Variants in EPS15L1 observed in about 807,000 individuals in gnomAD.
EPS15L1 encodes the protein epidermal growth factor receptor pathway substrate 15 like 1.
In EPS15L1, 43 loss-of-function variants were observed where a neutral mutation model predicts 117.1. The ratio of observed to expected loss-of-function variants is 0.37; its 90% CI spans 0.29 to 0.47. The LOEUF (loss-of-function observed/expected upper bound fraction) is 0.47. Ranked by LOEUF, EPS15L1 falls within the 20% of genes least tolerant of loss-of-function variation. EPS15L1 has a pLI of 0.99. For synonymous variants in EPS15L1, 459 were observed against 470.5 expected, an observed-to-expected ratio of 0.98 and a Z score of 0.32; for missense variants, 981 against 1,164.0, an observed-to-expected ratio of 0.84 and a Z score of 2.29.
intron 16 of EPS15L1, chr19:16,401,034 G>C: frequency 1.0e-6 from 1 of 985,432 alleles, no homozygotes; most frequent in Non-Finnish European, 1.2e-6. Flanking sequence ...AACAGCCAGG[G>C]AGCAAAGCGA....
intron 21 of EPS15L1, among the ~76,000 whole-genome samples, chr19:16,380,551 G>A (rs1275748514): frequency 4.6e-5 from 7 of 151,878 alleles, no homozygotes; most frequent in South Asian, 2.1e-4. Context: ...CAGTCACACC[G>A]ACGTGGCCAT....
chr19:16,372,215 G>A (rs573290091), intron 22 of EPS15L1, among the ~76,000 whole-genome samples: 7 of 152,266 alleles, frequency 4.6e-5, no homozygotes, highest in Admixed American at 6.5e-5. Context: ...CGCTGTGACC[G>A]GAACTCTCCC....
chr19:16,402,539 A>G, intron 15 of EPS15L1, 54 bp from the exon 16 acceptor site: 3 of 1,510,574 alleles, frequency 2.0e-6, no homozygotes, highest in Non-Finnish European at 2.7e-6. Flanking sequence ...ACATGTCAGA[A>G]AAGACGCTTT....
chr19:16,414,911 G>C (rs1382096638), intron 12 of EPS15L1, among the ~76,000 whole-genome samples: 1 of 151,918 alleles, frequency 6.6e-6, no homozygotes, highest in Admixed American at 6.6e-5. Flanking sequence ...CTCAATATAT[G>C]GCCCAGGCTG....
At position 16,365,185 on chromosome 19, in the gene EPS15L1, C is replaced by T. The variant is rs754931823; in HGVS notation, c.2381-3201G>A. ...CCAAGCCCTGGGGCTGGGAGTGGCCCTGGAAGACGGTGTGGGGCATGGCGG... is the reference window on the plus strand; with the variant it reads ...CCAAGCCCTGGGGCTGGGAGTGGCCTTGGAAGACGGTGTGGGGCATGGCGG... On this transcript the variant is annotated intron_variant, in intron 22 of 23. Transcript: ENST00000455140. This position sits in a 1 kb window ranked among gnomAD's most constrained non-coding sequence, Gnocchi z 4.9. Among the ~76,000 whole-genome samples, 1 of 152,232 alleles carries T rather than the reference C, an allele frequency of 6.6e-6. No homozygotes were observed. Among genetic ancestry groups the T allele is most frequent in the Non-Finnish European group, 1.5e-5 (1 of 68,030 alleles).
At chr19:16,393,884 C>T in intron 18 of EPS15L1, 67 bp downstream of exon 18, 3 of 1,488,828 alleles carry the variant, frequency 2.0e-6, no homozygotes, top group Non-Finnish European at 2.8e-6. Flanking sequence ...CAAGTCCCAC[C>T]ACATGCGACT....
chr19:16,433,516 A>G (rs1388395086), intron 7 of EPS15L1, among the ~76,000 whole-genome samples: 1 of 152,164 alleles, frequency 6.6e-6, no homozygotes, highest in African/African-American at 2.4e-5. Context: ...CTTTATCAGA[A>G]GAAAAAGAGT....
intron 4 of EPS15L1, among the ~76,000 whole-genome samples, chr19:16,438,903 G>A (rs181614172): frequency 2.3e-4 from 35 of 151,896 alleles, no homozygotes; most frequent in Non-Finnish European, 4.7e-4. Flanking sequence ...CGATCCCCTC[G>A]GCCTCGTTGA....
intron 22 of EPS15L1, among the ~76,000 whole-genome samples, chr19:16,369,200 C>A (rs932299476): frequency 1.3e-5 from 2 of 152,120 alleles, no homozygotes; most frequent in Admixed American, 6.5e-5. Context: ...GGGAGTCCTG[C>A]AGGCACCAGC....
chr19:16,392,031 G>T (rs572880010), intron 19 of EPS15L1, among the ~76,000 whole-genome samples: 1 of 152,296 alleles, frequency 6.6e-6, no homozygotes, highest in Non-Finnish European at 1.5e-5. Context: ...AGAACTATGG[G>T]TGACATCCTC....
rs369873713 is a variant in EPS15L1, at chr19:16,403,914, G to A, written c.1445C>T (p.Thr482Met). ...GTCAGATTCCTGAGATTGGATTTGC[G>A]TTTTCAGTGATGAGATCTGAAATGA... The part of the protein sequence containing the change: ...DETQMISSLK[T>M]QIQSQESDLK... Residue 482 changes from threonine (T) to methionine (M), a missense_variant, in exon 15 of 24, where the codon ACG becomes ATG. Thr to Met is a moderately conservative substitution (Grantham distance 81). This residue lies in a region of EPS15L1 where 819 missense variants were observed against 949.0 expected (regional missense o/e 0.86). Coordinates refer to ENST00000455140, the MANE Select transcript of EPS15L1 (RefSeq NM_001258374.3). 91 of 1,613,740 alleles carry A rather than the reference G, an allele frequency of 5.6e-5. No individual in the cohort carries two copies. The South Asian group carries it at 6.7e-4, about 12-fold the overall frequency.
intron 6 of EPS15L1, chr19:16,435,176 T>C (rs2092967259): frequency 6.6e-6 from 1 of 152,206 alleles, no homozygotes; most frequent in Non-Finnish European, 1.5e-5. Context: ...GGTCTTGAAC[T>C]CCTGGCCTCA....
intron 22 of EPS15L1, among the ~76,000 whole-genome samples, chr19:16,374,480 G>A (rs911754800): frequency 1.1e-4 from 16 of 152,252 alleles, no homozygotes; most frequent in Admixed American, 6.5e-4. Context: ...CCAAACTCCC[G>A]TTATCAAACG....
At chr19:16,470,642 A>G (rs909887411) in intron 1 of EPS15L1, among the ~76,000 whole-genome samples, 44 of 152,082 alleles carry the variant, frequency 2.9e-4, no homozygotes, top group Admixed American at 2.8e-3. Flanking sequence ...ACCGGGTTTT[A>G]GCACTGTTAA....
At chr19:16,402,812 T>C (rs528266962) in intron 15 of EPS15L1, among the ~76,000 whole-genome samples, 1 of 152,284 alleles carries the variant, frequency 6.6e-6, no homozygotes, top group African/African-American at 2.4e-5. Context: ...CTTGAACTCC[T>C]GGCCTCAAGT....
intron 1 of EPS15L1, among the ~76,000 whole-genome samples, chr19:16,455,850 A>G (rs1234229175): frequency 6.6e-6 from 1 of 152,034 alleles, no homozygotes; most frequent in Non-Finnish European, 1.5e-5. Context: ...CTCCCCAGAA[A>G]CATCCCTCCA....
rs530163948 is a variant in EPS15L1, at chr19:16,381,615, G to A, written c.2247+3514C>T. On this transcript the variant is annotated intron_variant, in intron 21 of 23. Coordinates refer to ENST00000455140, the MANE Select transcript of EPS15L1 (RefSeq NM_001258374.3). This position sits in a 1 kb window ranked among gnomAD's most constrained non-coding sequence, Gnocchi z 4.2. ...GACCACACGACAATGATCACACCAAGTACGAAGCTGCGATTGGAATCTGGG... is the reference window on the plus strand; with the variant it reads ...GACCACACGACAATGATCACACCAAATACGAAGCTGCGATTGGAATCTGGG... 2.5e-4 allele frequency among the ~76,000 whole-genome samples: 38 copies of A among 152,346 alleles called. No homozygotes were observed. The highest frequency in any genetic ancestry group is 2.2e-3 in the Admixed American group (34 of 15,306).
chr19:16,395,271 G>C (rs1217613652), intron 17 of EPS15L1, 73 bp downstream of exon 17: 1 of 1,389,974 alleles, frequency 7.2e-7, no homozygotes, highest in East Asian at 2.4e-5. Flanking sequence ...TACTTTTCTA[G>C]TTGAAGAACC....
chr19:16,445,980 G>A (rs2093079626), intron 1 of EPS15L1, among the ~76,000 whole-genome samples: 1 of 152,200 alleles, frequency 6.6e-6, no homozygotes, highest in Admixed American at 6.5e-5. Context: ...TTTCAGCTCG[G>A]TCTTTCAGTT....
Sources: allele counts gnomAD v4.1 joint callset (sites outside exome capture counted in the v4.1 genomes callset), GRCh38; gene constraint gnomAD v4.1.1; regional missense constraint gnomAD v4.1.1; non-coding constraint Gnocchi (gnomAD v3.1); transcripts MANE v1.5; gene names NCBI Gene and HGNC (gene_info 2026-07-23, HGNC 2026-07-21).